ZFHX3: variants seen among roughly 807,000 people sequenced by gnomAD.
ZFHX3 encodes zinc finger homeobox 3, also known as zinc finger homeobox protein 3.
A neutral mutation model predicts 279.1 loss-of-function variants in ZFHX3; 42 were observed. The observed-to-expected ratio is 0.15, with a 90% confidence interval of 0.12 to 0.19. The LOEUF (loss-of-function observed/expected upper bound fraction) is 0.19. ZFHX3 is among the 10% of genes least tolerant of loss of function. The pLI is 1.00. For synonymous variants in ZFHX3, 2,293 were observed against 1,957.8 expected, an observed-to-expected ratio of 1.17 and a Z score of -4.52; for missense variants, 4,981 against 4,754.0, an observed-to-expected ratio of 1.05 and a Z score of -1.40.
At chr16:73,331,210 G>A (rs540921403) in intron 3 of ZFHX3, among the ~76,000 whole-genome samples, 2 of 152,242 alleles carry the variant, frequency 1.3e-5, no homozygotes, top group South Asian at 2.1e-4. Flanking sequence ...ATCAGATCTC[G>A]TGAGAACTCA....
chr16:73,573,668 C>A (rs2051765251), intron 2 of ZFHX3, among the ~76,000 whole-genome samples: 1 of 152,122 alleles, frequency 6.6e-6, no homozygotes, highest in South Asian at 2.1e-4. Context: ...ATTATATTAA[C>A]CTATGTTAAT....
chr16:73,027,480 TGCCTTTTTA>T (rs1371805598), intron 1 of ZFHX3, among the ~76,000 whole-genome samples: 1 of 152,244 alleles, frequency 6.6e-6, no homozygotes, highest in East Asian at 1.9e-4. Flanking sequence ...TTTATGGGAA[TGCCTTTTTA>T]TGGGAATTTT....
chr16:72,853,657 T>C (rs1456554376), intron 4 of ZFHX3, among the ~76,000 whole-genome samples: 1 of 152,144 alleles, frequency 6.6e-6, no homozygotes, highest in African/African-American at 2.4e-5. Context: ...GAGAGGAGAC[T>C]GGAAATCTCA....
chr16:73,096,323 G>A (rs2144783439), intron 7 of ZFHX3, among the ~76,000 whole-genome samples: 1 of 151,064 alleles, frequency 6.6e-6, no homozygotes, highest in Non-Finnish European at 1.5e-5. Context: ...CCATCTCGTA[G>A]GCGCTCTTAC....
At chr16:73,753,244 C>A (rs1209841690) in intron 1 of ZFHX3, among the ~76,000 whole-genome samples, 1 of 152,092 alleles carries the variant, frequency 6.6e-6, no homozygotes, top group African/African-American at 2.4e-5. Flanking sequence ...ACTCTGCTGA[C>A]CAAAACAGGA....
intron 1 of ZFHX3, among the ~76,000 whole-genome samples, chr16:73,760,982 T>C (rs1031206070): frequency 3.2e-5 from 4 of 124,964 alleles, no homozygotes; most frequent in African/African-American, 1.3e-4. Context: ...GCCAGGGCAA[T>C]CAGGCAAGAA....
chr16:73,680,900 G>C (rs879425776), intron 1 of ZFHX3, among the ~76,000 whole-genome samples: 3 of 152,152 alleles, frequency 2.0e-5, no homozygotes, highest in Non-Finnish European at 4.4e-5. Context: ...ATAATTACTA[G>C]CTTCCAGTGA....
chr16:73,585,142 G>T (rs1225853156), intron 2 of ZFHX3, among the ~76,000 whole-genome samples: 1 of 152,226 alleles, frequency 6.6e-6, no homozygotes, highest in Admixed American at 6.5e-5. Flanking sequence ...AACAGGTCAG[G>T]TGCGGTGGCT....
intron 3 of ZFHX3, among the ~76,000 whole-genome samples, chr16:73,354,164 C>A (rs952845735): frequency 6.6e-6 from 1 of 152,146 alleles, no homozygotes; most frequent in African/African-American, 2.4e-5. Flanking sequence ...TACACTAAAA[C>A]TAAAAATCAT....
At chr16:73,349,396 G>A (rs1405829753) in intron 3 of ZFHX3, among the ~76,000 whole-genome samples, 1 of 152,222 alleles carries the variant, frequency 6.6e-6, no homozygotes, top group Non-Finnish European at 1.5e-5. Context: ...CAGGATTTGT[G>A]AGATCCCATA....
chr16:73,363,230 C>T (rs1051578305), intron 3 of ZFHX3, among the ~76,000 whole-genome samples: 11 of 152,312 alleles, frequency 7.2e-5, no homozygotes, highest in South Asian at 4.1e-4. Context: ...AAGAACAACT[C>T]GGAGGACCCG....
At chr16:73,836,521 T>C (rs1961148851) in intron 1 of ZFHX3, among the ~76,000 whole-genome samples, 13 of 152,210 alleles carry the variant, frequency 8.5e-5, no homozygotes, top group Admixed American at 8.5e-4. Flanking sequence ...ACTGAAGTAG[T>C]CATTAGAGCT....
chr16:72,973,096 A>G (rs879326494), intron 1 of ZFHX3, among the ~76,000 whole-genome samples: 1 of 152,178 alleles, frequency 6.6e-6, no homozygotes, highest in African/African-American at 2.4e-5. Flanking sequence ...GCACTTGAAT[A>G]TGTGTCTCAT....
At chr16:73,266,786 T>G (rs1387995836) in intron 4 of ZFHX3, among the ~76,000 whole-genome samples, 1 of 152,266 alleles carries the variant, frequency 6.6e-6, no homozygotes, top group Non-Finnish European at 1.5e-5. Context: ...GTTTCCTTCC[T>G]TGCCCATGCT....
rs920720383 is a variant in ZFHX3 at position 73,475,972 on chromosome 16, A to T, written c.-1546-19714T>A. 2.0e-5 allele frequency among the ~76,000 whole-genome samples: 3 copies of T among 152,324 alleles called. No individual in the cohort carries two copies. In the South Asian group the frequency reaches 6.2e-4, roughly 32 times the overall value. On this transcript the variant is annotated intron_variant, in intron 2 of 17. Transcript: ENST00000641206. ...AATGTATCCAAATAAAAACAGAAAT[A>T]TCAAAAGATTCTTCCCAGAGGTTAA...
intron 5 of ZFHX3, among the ~76,000 whole-genome samples, chr16:73,201,747 G>A (rs550020212): frequency 2.4e-4 from 36 of 152,114 alleles, no homozygotes; most frequent in Non-Finnish European, 4.4e-4. Context: ...TTTTTGTTTC[G>A]TTTTGGTTCA....
chr16:73,433,444 T>A (rs1316661086), intron 3 of ZFHX3, among the ~76,000 whole-genome samples: 2 of 152,090 alleles, frequency 1.3e-5, no homozygotes, highest in African/African-American at 4.8e-5. Flanking sequence ...CACCCCCTCC[T>A]CAGCAAGGCG....
intron 2 of ZFHX3, among the ~76,000 whole-genome samples, chr16:73,508,595 G>C (rs1275571404): frequency 6.6e-6 from 1 of 152,214 alleles, no homozygotes; most frequent in African/African-American, 2.4e-5. Context: ...AGGGAAAATA[G>C]TGGGAGCTGA....
chr16:73,243,955 G>A (rs1452931036), intron 5 of ZFHX3, among the ~76,000 whole-genome samples: 2 of 152,180 alleles, frequency 1.3e-5, no homozygotes, highest in Non-Finnish European at 2.9e-5. Flanking sequence ...GGTAGAGAAC[G>A]CCTCAAGTGC....
Sources: allele counts gnomAD v4.1 joint callset (sites outside exome capture counted in the v4.1 genomes callset), GRCh38; gene constraint gnomAD v4.1.1; transcripts MANE v1.5; gene names NCBI Gene and HGNC (gene_info 2026-07-23, HGNC 2026-07-21).